The following NCOR1 variants were observed in gnomAD, a reference collection of about 807,000 sequenced individuals.
The protein encoded by NCOR1 is protein phosphatase 1, regulatory subunit 109.
NCOR1 carries 63 observed loss-of-function variants against 288.1 expected under a neutral mutation model. The ratio of observed to expected loss-of-function variants is 0.22; its 90% CI spans 0.18 to 0.27. The LOEUF is 0.27. Ranked by LOEUF, NCOR1 falls within the 10% of genes least tolerant of loss-of-function variation. The pLI is 1.00. For synonymous variants in NCOR1, 1,007 were observed against 1,065.9 expected, an observed-to-expected ratio of 0.94 and a Z score of 1.08; for missense variants, 2,397 against 3,019.2, an observed-to-expected ratio of 0.79 and a Z score of 4.83.
At chr17:16,086,175 C>G (rs956143922) in intron 23 of NCOR1, 107 bp downstream of exon 23, 16 of 1,206,168 alleles carry the variant, frequency 1.3e-5, no homozygotes, top group Non-Finnish European at 1.9e-5. Context: ...CATATTCAGA[C>G]AGATTATTAT....
At position 16,081,822 on chromosome 17, in the gene NCOR1, T is replaced by C. The variant is rs550342039; in HGVS notation, c.3178-1095A>G. ...GAAAAGCCAGGGAATGAGATGTTCA[T>C]GGGGTCTGAAAAACTCCAACATATT... On this transcript the variant is annotated intron_variant, in intron 23 of 45. Transcript: ENST00000268712. 2.8e-4 allele frequency among the ~76,000 whole-genome samples: 42 copies of C among 152,332 alleles called. 1 individual carries two copies. The highest frequency in any genetic ancestry group is 8.4e-4 in the African/African-American group (35 of 41,562).
chr17:16,156,983 A>G (rs997020716), intron 6 of NCOR1, among the ~76,000 whole-genome samples: 5 of 152,130 alleles, frequency 3.3e-5, no homozygotes, highest in African/African-American at 1.2e-4. Context: ...GAAACATTTT[A>G]TAAAACTTAA....
chr17:16,032,453 G>C lies in NCOR1; in HGVS notation c.7166C>G (p.Thr2389Ser). Residue 2389 changes from threonine (T) to serine (S), a missense_variant, in exon 46 of 46, where the codon ACT (threonine) becomes AGT (serine). Transcript: ENST00000268712. ...TGGAGTACTGCTGAGCATCCGCATA[G>C]TCAGAGGGTTATAAGGAAACTGAGT... The part of the protein sequence containing the change: ...GSTQFPYNPL[T>S]MRMLSSTPPT... 1.2e-6 allele frequency: 2 copies of C among 1,609,818 alleles called. No homozygotes were observed. Among genetic ancestry groups the C allele is most frequent in the Non-Finnish European group, 1.7e-6 (2 of 1,178,688 alleles).
At chr17:16,161,631 T>G (rs2153428992) in intron 5 of NCOR1, among the ~76,000 whole-genome samples, 1 of 152,346 alleles carries the variant, frequency 6.6e-6, no homozygotes, top group East Asian at 1.9e-4. Flanking sequence ...ACAATGTATT[T>G]GCCATGTTTT....
chr17:16,207,026 C>G (rs762679717), intron 1 of NCOR1, among the ~76,000 whole-genome samples: 15 of 152,074 alleles, frequency 9.9e-5, no homozygotes, highest in Non-Finnish European at 1.9e-4. Flanking sequence ...CTTCCTCCCC[C>G]CCAACAGAAT....
At chr17:16,091,730 A>C in intron 22 of NCOR1, 133 bp downstream of exon 22, 1 of 1,505,990 alleles carries the variant, frequency 6.6e-7, no homozygotes, top group Non-Finnish European at 8.9e-7. Context: ...AATTTAAGGA[A>C]CTGTGTCTGT....
At chr17:16,062,779 T>C (rs921027811) in intron 35 of NCOR1, among the ~76,000 whole-genome samples, 2 of 152,146 alleles carry the variant, frequency 1.3e-5, no homozygotes, top group Non-Finnish European at 2.9e-5. Context: ...AGGTGACTCT[T>C]TCTCTCAGCA....
At position 16,114,143 on chromosome 17, in the gene NCOR1, C is replaced by CAAAAAAAAA. The variant is rs71353770; in HGVS notation, c.2055+3736_2055+3744dup. On this transcript the variant is annotated intron_variant, in intron 18 of 45. Coordinates refer to ENST00000268712, the MANE Select transcript of NCOR1 (RefSeq NM_006311.4). ...TAACGTCTTACATGATGGCGGCAGG[C>CAAAAAAAAA]AAAAAAAAAAAAAAAAAAAAAAAAA... 7.4e-3 allele frequency among the ~76,000 whole-genome samples: 131 copies of CAAAAAAAAA among 17,712 alleles called. 12 individuals carry two copies. The highest frequency in any genetic ancestry group is 0.023 in the African/African-American group (119 of 5,266). 11.6% of individuals were successfully genotyped at this position (17,712 alleles called of 152,430 possible).
chr17:16,068,218 T>G lies in NCOR1; in HGVS notation c.4514-97A>C, dbSNP rs1485904873. On this transcript the variant is annotated intron_variant, in intron 31 of 45. Coordinates refer to ENST00000268712, the MANE Select transcript of NCOR1 (RefSeq NM_006311.4). ...ACCATTCAAATAAAGACTATATTCATGTATTTGGATCTTCTCTTTCCACTC... is the reference window on the plus strand; with the variant it reads ...ACCATTCAAATAAAGACTATATTCAGGTATTTGGATCTTCTCTTTCCACTC... 3 of 979,754 alleles carry G rather than the reference T, an allele frequency of 3.1e-6. No individual in the cohort carries two copies. The South Asian group carries it at 4.5e-5, about 15-fold the overall frequency. 60.7% of individuals were successfully genotyped at this position (979,754 alleles called of 1,614,324 possible). A position where few individuals can be genotyped will look rare whatever the true frequency, so the allele number is the denominator to read the frequency against.
At chr17:16,082,996 G>A (rs796091902) in intron 23 of NCOR1, among the ~76,000 whole-genome samples, 6 of 152,172 alleles carry the variant, frequency 3.9e-5, no homozygotes, top group African/African-American at 1.4e-4. Context: ...TCATGTCCAT[G>A]TTCACCAATT....
intron 41 of NCOR1, among the ~76,000 whole-genome samples, chr17:16,047,540 C>T (rs1239518243): frequency 6.6e-6 from 1 of 152,106 alleles, no homozygotes; most frequent in Non-Finnish European, 1.5e-5. Flanking sequence ...ATAGCAAGAA[C>T]TCATATCTAA....
At chr17:16,118,911 A>C (rs2072363933) in intron 17 of NCOR1, among the ~76,000 whole-genome samples, 1 of 152,244 alleles carries the variant, frequency 6.6e-6, no homozygotes, top group Non-Finnish European at 1.5e-5. Flanking sequence ...TGGCAGAGAC[A>C]GGACTCAAAC....
intron 44 of NCOR1, among the ~76,000 whole-genome samples, chr17:16,038,380 C>G (rs1476066207): frequency 6.6e-6 from 1 of 152,142 alleles, no homozygotes; most frequent in African/African-American, 2.4e-5. Context: ...CAAGCATTAG[C>G]ATTCCGGATG....
intron 2 of NCOR1, among the ~76,000 whole-genome samples, chr17:16,191,499 A>G (rs751497900): frequency 5.3e-5 from 8 of 152,226 alleles, no homozygotes; most frequent in Non-Finnish European, 1.2e-4. Flanking sequence ...CTGCAATAAA[A>G]ATGTCACTGG....
At chr17:16,139,684 C>T (rs537321130) in intron 11 of NCOR1, among the ~76,000 whole-genome samples, 9 of 152,224 alleles carry the variant, frequency 5.9e-5, no homozygotes, top group South Asian at 2.1e-4. Context: ...TACTATTAAA[C>T]GCTTCTTGCT....
intron 13 of NCOR1, 140 bp downstream of exon 13, chr17:16,138,018 A>G: frequency 1.7e-6 from 1 of 595,418 alleles, no homozygotes. Flanking sequence ...TGTAATTATC[A>G]TTACATTAAT....
intron 18 of NCOR1, among the ~76,000 whole-genome samples, chr17:16,115,995 C>G (rs2071491825): frequency 6.6e-6 from 1 of 152,218 alleles, no homozygotes; most frequent in Admixed American, 6.5e-5. Context: ...AAAGGGCTTA[C>G]AGTTCCACAT....
At chr17:16,137,919 G>C (rs911114504) in intron 13 of NCOR1, 10 of 418,672 alleles carry the variant, frequency 2.4e-5, no homozygotes, top group African/African-American at 4.2e-5. Flanking sequence ...CAAAAGCATT[G>C]TAATCTATGT....
At chr17:16,158,922 C>A in intron 5 of NCOR1, 49 bp from the exon 6 acceptor site, 1 of 1,317,658 alleles carries the variant, frequency 7.6e-7, no homozygotes, top group Non-Finnish European at 1.1e-6. Context: ...ACACCACACC[C>A]AGCAGTGATT....
Sources: allele counts gnomAD v4.1 joint callset (sites outside exome capture counted in the v4.1 genomes callset), GRCh38; gene constraint gnomAD v4.1.1; transcripts MANE v1.5; gene names NCBI Gene and HGNC (gene_info 2026-07-23, HGNC 2026-07-21).